Variants in SBF2 observed in about 807,000 individuals in gnomAD.
SBF2 encodes myotubularin-related protein 13.
Under a neutral mutation model 225.2 loss-of-function variants are expected in SBF2, and 112 were observed. That is an observed-to-expected ratio of 0.50 (90% CI 0.43 to 0.58). The LOEUF (loss-of-function observed/expected upper bound fraction) is 0.58, where lower values mean the gene tolerates loss of function less well. SBF2 is among the 20% of genes least tolerant of loss of function. The pLI, the probability that SBF2 is intolerant of heterozygous loss-of-function variation, is 0.00. For synonymous variants in SBF2, 763 were observed against 773.3 expected (o/e 0.99, Z 0.22); for missense variants, 1,996 against 2,206.2 (o/e 0.90, Z 1.91).
chr11:10,108,760 G>A (rs930283041), intron 2 of SBF2, among the ~76,000 whole-genome samples: 5 of 151,738 alleles, frequency 3.3e-5, no homozygotes, highest in Admixed American at 2.0e-4. Context: ...TCCTGACCTC[G>A]TGATCCGCCC....
chr11:9,936,931 T>C (rs11042557), intron 16 of SBF2, among the ~76,000 whole-genome samples: 41,816 of 151,984 alleles, frequency 0.28, 6,846 homozygotes, highest in Non-Finnish European at 0.37. Flanking sequence ...ATTAACTCAG[T>C]TAAGAAAGAG....
intron 25 of SBF2, among the ~76,000 whole-genome samples, chr11:9,840,059 C>T (rs1158449165): frequency 6.7e-6 from 1 of 150,262 alleles, no homozygotes; most frequent in Admixed American, 6.6e-5. Context: ...ATGGTGAAAT[C>T]TCATCTCTAC....
intron 29 of SBF2, among the ~76,000 whole-genome samples, chr11:9,814,047 A>G (rs1854333594): frequency 6.6e-6 from 1 of 152,330 alleles, no homozygotes; most frequent in South Asian, 2.1e-4. Flanking sequence ...TTATTTGAGT[A>G]CTTTCTCATT....
chr11:10,227,726 C>T lies in SBF2; in HGVS notation c.56-33739G>A, dbSNP rs1476058624. ...ACCATGCTGTTTTGGTTACTGTAGC[C>T]TTGTATATAGTCTGAACTCAGGTAG... On this transcript the variant is annotated intron_variant, in intron 1 of 39. Transcript: ENST00000256190. Among the ~76,000 whole-genome samples the T allele has an allele frequency of 2.0e-5, 3 of 152,116 alleles. No homozygotes were observed. In the East Asian group the frequency reaches 5.8e-4, roughly 29 times the overall value.
intron 17 of SBF2, among the ~76,000 whole-genome samples, chr11:9,865,374 TACC>T (rs1171933082): frequency 4.6e-5 from 7 of 152,042 alleles, no homozygotes; most frequent in Admixed American, 4.6e-4. Context: ...CTGAGATAAG[TACC>T]ATTATTTCTC....
At chr11:10,053,395 G>A (rs1950129972) in intron 2 of SBF2, among the ~76,000 whole-genome samples, 1 of 152,050 alleles carries the variant, frequency 6.6e-6, no homozygotes, top group Admixed American at 6.6e-5. Context: ...CCCCAAAATT[G>A]TTTTGTTTTT....
At chr11:10,094,865 G>A (rs1951951781) in intron 2 of SBF2, among the ~76,000 whole-genome samples, 1 of 151,582 alleles carries the variant, frequency 6.6e-6, no homozygotes, top group Non-Finnish European at 1.5e-5. Flanking sequence ...TGGTAACGGG[G>A]AGTGGGTATC....
intron 16 of SBF2, among the ~76,000 whole-genome samples, chr11:9,918,537 T>C (rs1863308958): frequency 6.6e-6 from 1 of 151,720 alleles, no homozygotes; most frequent in Admixed American, 6.6e-5. Flanking sequence ...TATTTTTGTA[T>C]TTTATTTATT....
chr11:10,301,622 GTTATTC>G (rs1258217999), intron 1 of SBF2, among the ~76,000 whole-genome samples: 2 of 152,226 alleles, frequency 1.3e-5, no homozygotes, highest in East Asian at 3.9e-4. Context: ...TCACATTTTA[GTTATTC>G]TTATTAATAT....
At position 10,032,257 on chromosome 11, in the gene SBF2, C is replaced by T. The variant is rs530439714; in HGVS notation, c.280-1087G>A. On this transcript the variant is annotated intron_variant, in intron 3 of 39. Coordinates refer to ENST00000256190, the MANE Select transcript of SBF2 (RefSeq NM_030962.4). Reference sequence around the variant, plus strand: ...TAACAAACCCAAAATCGTGATTCCCCTCTTTTTAATAACCTATATCCCACT... The same window carrying T: ...TAACAAACCCAAAATCGTGATTCCCTTCTTTTTAATAACCTATATCCCACT... 3.9e-5 allele frequency among the ~76,000 whole-genome samples: 6 copies of T among 152,280 alleles called. No homozygotes were observed. The South Asian group carries it at 1.2e-3, about 32-fold the overall frequency.
At chr11:10,193,872 TA>T in intron 2 of SBF2, 29 bp downstream of exon 2, 2 of 1,398,760 alleles carry the variant, frequency 1.4e-6, no homozygotes, top group Non-Finnish European at 2.0e-6. Flanking sequence ...AGTAACATTA[TA>T]AATATGCAAT....
At chr11:9,848,899 A>G (rs1171645366) in intron 22 of SBF2, among the ~76,000 whole-genome samples, 2 of 152,262 alleles carry the variant, frequency 1.3e-5, no homozygotes, top group Non-Finnish European at 2.9e-5. Flanking sequence ...TCTTGATTCT[A>G]TTCAACCTAG....
intron 2 of SBF2, among the ~76,000 whole-genome samples, chr11:10,057,399 A>G (rs892238303): frequency 1.3e-5 from 2 of 152,096 alleles, no homozygotes; most frequent in Admixed American, 6.5e-5. Context: ...TACCTTATCC[A>G]CACCTCCAAC....
intron 16 of SBF2, among the ~76,000 whole-genome samples, chr11:9,900,002 A>C (rs4910075): frequency 0.2 from 30,563 of 149,624 alleles, 4,001 homozygotes; most frequent in Non-Finnish European, 0.3. Flanking sequence ...CTGGGTAAAC[A>C]AAATTAAACA....
chr11:9,853,495 A>G (rs1450878101), intron 20 of SBF2, 45 bp downstream of exon 20: 4 of 1,560,694 alleles, frequency 2.6e-6, no homozygotes, highest in Admixed American at 1.7e-5. Context: ...CTGAAACTCA[A>G]TAATCTCCAA....
intron 13 of SBF2, among the ~76,000 whole-genome samples, chr11:9,987,342 G>A (rs1386288900): frequency 1.3e-5 from 2 of 152,198 alleles, no homozygotes; most frequent in East Asian, 3.9e-4. Flanking sequence ...AAAGTTGAAA[G>A]CATTCCCTCT....
At chr11:9,928,390 C>A (rs1203258190) in intron 16 of SBF2, among the ~76,000 whole-genome samples, 1 of 151,980 alleles carries the variant, frequency 6.6e-6, no homozygotes, top group Admixed American at 6.5e-5. Flanking sequence ...AAATTAAAAC[C>A]ACATGAGATA....
intron 1 of SBF2, among the ~76,000 whole-genome samples, chr11:10,245,933 A>G (rs1451705609): frequency 6.6e-6 from 1 of 152,218 alleles, no homozygotes; most frequent in Admixed American, 6.5e-5. Flanking sequence ...TATAATAGCC[A>G]AACTCACAAA....
intron 16 of SBF2, among the ~76,000 whole-genome samples, chr11:9,928,132 G>C (rs571962288): frequency 6.6e-6 from 1 of 151,936 alleles, no homozygotes; most frequent in Non-Finnish European, 1.5e-5. Context: ...AAAATAAAAA[G>C]CTTCTGATCT....
Sources: gnomAD v4.1 joint callset for allele counts (sites outside exome capture counted in the v4.1 genomes callset) on GRCh38, gnomAD v4.1.1 for gene constraint, MANE v1.5 for transcripts, NCBI Gene and HGNC (gene_info 2026-07-23, HGNC 2026-07-21) for gene names.